PLA2G4A: variants seen among roughly 807,000 people sequenced by gnomAD.
PLA2G4A encodes the protein phospholipase A2 group IVA.
A neutral mutation model predicts 81.9 loss-of-function variants in PLA2G4A; 40 were observed. That is an observed-to-expected ratio of 0.49 (90% CI 0.38 to 0.64). The LOEUF (loss-of-function observed/expected upper bound fraction) is 0.64, where lower values mean the gene tolerates loss of function less well. PLA2G4A is among the 30% of genes least tolerant of loss of function. The probability of loss-of-function intolerance (pLI) is 0.00; values close to 1 mark genes in which losing one functional copy is unlikely to be tolerated. For synonymous variants in PLA2G4A, 302 were observed against 296.9 expected, an observed-to-expected ratio of 1.02 and a Z score of -0.18; for missense variants, 715 against 905.1, an observed-to-expected ratio of 0.79 and a Z score of 2.69.
At chr1:186,897,825 T>A (rs747371367) in intron 5 of PLA2G4A, among the ~76,000 whole-genome samples, 6 of 152,128 alleles carry the variant, frequency 3.9e-5, no homozygotes, top group African/African-American at 1.2e-4. Context: ...ATTTTTTATG[T>A]TAGGTTCAGG....
intron 3 of PLA2G4A, among the ~76,000 whole-genome samples, chr1:186,880,454 G>T (rs1014990219): frequency 6.6e-6 from 1 of 151,748 alleles, no homozygotes; most frequent in Non-Finnish European, 1.5e-5. Context: ...TTCTAAACTG[G>T]GAAACAATTT....
chr1:186,845,603 A>C (rs1391635100), intron 1 of PLA2G4A, among the ~76,000 whole-genome samples: 1 of 152,046 alleles, frequency 6.6e-6, no homozygotes, highest in Non-Finnish European at 1.5e-5. Flanking sequence ...AAGAGAAAAG[A>C]ATCTTTTGCA....
chr1:186,906,146 GCAACTTT>G (rs1362307722), intron 5 of PLA2G4A, among the ~76,000 whole-genome samples: 1 of 152,120 alleles, frequency 6.6e-6, no homozygotes, highest in Non-Finnish European at 1.5e-5. Flanking sequence ...CAACTGTGTA[GCAACTTT>G]CAAAGCATTT....
intron 2 of PLA2G4A, among the ~76,000 whole-genome samples, chr1:186,860,836 A>G (rs1433097220): frequency 6.6e-6 from 1 of 152,010 alleles, no homozygotes; most frequent in Non-Finnish European, 1.5e-5. Context: ...TCCGTTCTCA[A>G]ATTTCTTTTT....
intron 3 of PLA2G4A, among the ~76,000 whole-genome samples, chr1:186,876,206 G>GT (rs1441454388): frequency 1.3e-5 from 2 of 152,166 alleles, no homozygotes; most frequent in African/African-American, 2.4e-5. Context: ...AACTATGAAA[G>GT]TTTTTTTAAC....
chr1:186,902,343 A>G (rs61810977), intron 5 of PLA2G4A, among the ~76,000 whole-genome samples: 85,761 of 151,894 alleles, frequency 0.56, 25,828 homozygotes, highest in African/African-American at 0.78. Flanking sequence ...GCCATCATCA[A>G]TCATTCTATA....
rs147534917 is a variant in PLA2G4A at position 186,973,114 on chromosome 1, TAAC to T, written c.1765-4476_1765-4474del. Among the ~76,000 whole-genome samples the T allele has an allele frequency of 5.5e-3, 841 of 152,302 alleles. 23 individuals carry two copies. In the East Asian group the frequency reaches 0.057, roughly 10 times the overall value. ...TTGTACTAGTTTCCTGGAACTTCTGTAACAAATTACCCCAAACATGGTGACTTA... is the reference window on the plus strand; with the variant it reads ...TTGTACTAGTTTCCTGGAACTTCTGTAAATTACCCCAAACATGGTGACTTA... On this transcript the variant is annotated intron_variant, in intron 15 of 17. Transcript: ENST00000367466.
chr1:186,979,643 C>A (rs545029480), intron 17 of PLA2G4A, among the ~76,000 whole-genome samples, 171 bp downstream of exon 17: 1 of 152,122 alleles, frequency 6.6e-6, no homozygotes, highest in Admixed American at 6.5e-5. Context: ...AAGAACCCTA[C>A]AAAACTGACA....
chr1:186,831,597 A>T (rs1256501760), intron 1 of PLA2G4A, among the ~76,000 whole-genome samples: 1 of 152,126 alleles, frequency 6.6e-6, no homozygotes, highest in Non-Finnish European at 1.5e-5. Flanking sequence ...TCCTAATGAC[A>T]TTTCCCAGAA....
At chr1:186,918,587 T>C (rs1331185358) in intron 7 of PLA2G4A, among the ~76,000 whole-genome samples, 1 of 152,230 alleles carries the variant, frequency 6.6e-6, no homozygotes, top group African/African-American at 2.4e-5. Context: ...TGTGAGTTGA[T>C]GAAGCTGCTC....
intron 7 of PLA2G4A, among the ~76,000 whole-genome samples, chr1:186,926,615 C>T (rs1181720563): frequency 6.6e-6 from 1 of 152,166 alleles, no homozygotes; most frequent in Non-Finnish European, 1.5e-5. Flanking sequence ...GCTGTTGTGG[C>T]AGTTTGTACA....
At chr1:186,888,885 G>C (rs548250513) in intron 3 of PLA2G4A, among the ~76,000 whole-genome samples, 1 of 152,116 alleles carries the variant, frequency 6.6e-6, no homozygotes, top group Non-Finnish European at 1.5e-5. Context: ...AGAAAAATCT[G>C]GCCCTATGAG....
chr1:186,840,139 T>G (rs1353574052), intron 1 of PLA2G4A, among the ~76,000 whole-genome samples: 6 of 151,870 alleles, frequency 4.0e-5, no homozygotes, highest in Admixed American at 3.9e-4. Flanking sequence ...CCACCATGCC[T>G]GGGCAGTAAT....
intron 17 of PLA2G4A, among the ~76,000 whole-genome samples, chr1:186,983,246 G>GCAACAC (rs1256621674): frequency 6.6e-5 from 10 of 152,174 alleles, no homozygotes; most frequent in Non-Finnish European, 1.2e-4. Context: ...TCACACTTCG[G>GCAACAC]CAACACAGCA....
chr1:186,933,041 T>A (rs1436941822), intron 8 of PLA2G4A, 142 bp downstream of exon 8: 1 of 691,516 alleles, frequency 1.4e-6, no homozygotes, highest in African/African-American at 1.8e-5. Context: ...TGCCACAATC[T>A]GCTTTAAAAG....
At chr1:186,970,660 G>T (rs576551998) in intron 15 of PLA2G4A, among the ~76,000 whole-genome samples, 1 of 152,160 alleles carries the variant, frequency 6.6e-6, no homozygotes, top group South Asian at 2.1e-4. Context: ...TTTTTGAAGA[G>T]ACTATCCCTT....
intron 1 of PLA2G4A, among the ~76,000 whole-genome samples, chr1:186,845,735 G>A (rs776593606): frequency 6.6e-6 from 1 of 152,122 alleles, no homozygotes; most frequent in African/African-American, 2.4e-5. Flanking sequence ...TTTTGTTTCT[G>A]TTCACTTTTC....
intron 6 of PLA2G4A, among the ~76,000 whole-genome samples, chr1:186,907,427 T>G (rs985312529): frequency 1.3e-5 from 2 of 152,206 alleles, no homozygotes; most frequent in African/African-American, 4.8e-5. Context: ...AGACTGATTT[T>G]ATTCATACTG....
At chr1:186,899,632 G>A (rs1558415840) in intron 5 of PLA2G4A, among the ~76,000 whole-genome samples, 1 of 152,184 alleles carries the variant, frequency 6.6e-6, no homozygotes, top group Non-Finnish European at 1.5e-5. Context: ...AATGTGAGAT[G>A]TAAGAGTTCT....
Sources: gnomAD v4.1 joint callset for allele counts (sites outside exome capture counted in the v4.1 genomes callset) on GRCh38, gnomAD v4.1.1 for gene constraint, MANE v1.5 for transcripts, NCBI Gene and HGNC (gene_info 2026-07-23, HGNC 2026-07-21) for gene names.